EIF4G3: variants seen among roughly 807,000 people sequenced by gnomAD.
EIF4G3 encodes eIF-4-gamma 3.
In EIF4G3, 34 loss-of-function variants were observed where a neutral mutation model predicts 186.4. The ratio of observed to expected loss-of-function variants is 0.18; its 90% confidence interval spans 0.14 to 0.24. EIF4G3 has a LOEUF of 0.24. Ranked by LOEUF, EIF4G3 falls within the 10% of genes least tolerant of loss-of-function variation. The pLI, the probability that EIF4G3 is intolerant of heterozygous loss-of-function variation, is 1.00. For missense variants in EIF4G3, 1,536 were observed against 1,948.5 expected (o/e 0.79, Z 3.99); for synonymous variants, 673 against 679.5 (o/e 0.99, Z 0.15).
intron 2 of EIF4G3, among the ~76,000 whole-genome samples, chr1:21,156,530 C>T (rs1044395291): frequency 1.3e-5 from 2 of 152,094 alleles, no homozygotes; most frequent in Non-Finnish European, 2.9e-5. Flanking sequence ...CCAACATGTC[C>T]TAAACTGAAT....
At chr1:20,879,173 G>T in intron 20 of EIF4G3, 150 bp downstream of exon 20, 2 of 564,854 alleles carry the variant, frequency 3.5e-6, no homozygotes, top group Non-Finnish European at 5.5e-6. Context: ...AAGCAAGATT[G>T]TCTTTAATAA....
In EIF4G3 at chr1:20,851,363, C is replaced by G. The variant is rs375971685; in HGVS notation, c.3667G>C (p.Glu1223Gln). 2 of 1,614,052 alleles carry G rather than the reference C, an allele frequency of 1.2e-6. No individual in the cohort carries two copies. Among genetic ancestry groups the G allele is most frequent in the African/African-American group, 2.7e-5 (2 of 74,916 alleles). ...SKDLLDNQSQ[E>Q]EQRREMLETV... Reference sequence around the variant, plus strand: ...TCCAGCATCTCTCTCCGCTGCTCTTCTTGAGACTGATTGTCTAGCAGGTCT... The same window carrying G: ...TCCAGCATCTCTCTCCGCTGCTCTTGTTGAGACTGATTGTCTAGCAGGTCT... The change falls in exon 28 of 37, where the codon GAA becomes CAA. Residue 1223 changes from glutamate (E) to glutamine (Q), a missense_variant. Physicochemically the swap from Glu to Gln is conservative, Grantham distance 29. Coordinates refer to ENST00000602326, the MANE Select transcript of EIF4G3 (RefSeq NM_001391906.1).
intron 25 of EIF4G3, among the ~76,000 whole-genome samples, chr1:20,855,625 T>C (rs2074652980): frequency 6.6e-6 from 1 of 152,190 alleles, no homozygotes; most frequent in Non-Finnish European, 1.5e-5. Context: ...ACAACTTTAC[T>C]ACAAGTGAAA....
chr1:21,050,597 A>G (rs983456347), intron 4 of EIF4G3, among the ~76,000 whole-genome samples: 1 of 152,212 alleles, frequency 6.6e-6, no homozygotes, highest in African/African-American at 2.4e-5. Flanking sequence ...TTTTCCAGTA[A>G]ACTTTAGAAT....
At chr1:21,003,854 T>C (rs1411065106) in intron 4 of EIF4G3, 5 of 331,450 alleles carry the variant, frequency 1.5e-5, no homozygotes, top group Non-Finnish European at 2.9e-5. Context: ...AAGCATGACC[T>C]AGTAAGACTC....
intron 14 of EIF4G3, among the ~76,000 whole-genome samples, chr1:20,924,430 A>G (rs1277754423): frequency 1.3e-5 from 2 of 152,240 alleles, no homozygotes; most frequent in East Asian, 1.9e-4. Flanking sequence ...AGAATAACTG[A>G]TATTAATAAG....
chr1:20,945,982 A>G (rs776410743), intron 13 of EIF4G3, among the ~76,000 whole-genome samples: 1 of 152,232 alleles, frequency 6.6e-6, no homozygotes, highest in Non-Finnish European at 1.5e-5. Context: ...TGCCAAATTT[A>G]TAAGAAGAAT....
At chr1:21,086,117 C>G (rs2095965303) in intron 3 of EIF4G3, among the ~76,000 whole-genome samples, 1 of 150,884 alleles carries the variant, frequency 6.6e-6, no homozygotes, top group African/African-American at 2.4e-5. Flanking sequence ...AATGGGGCTG[C>G]AGAAATAATT....
chr1:20,949,826 T>A (rs2096127231), intron 13 of EIF4G3, among the ~76,000 whole-genome samples, 177 bp downstream of exon 13: 1 of 152,174 alleles, frequency 6.6e-6, no homozygotes, highest in South Asian at 2.1e-4. Context: ...TTACCAATCA[T>A]CCCTACTTTA....
chr1:21,172,208 C>T (rs935496660), intron 2 of EIF4G3, among the ~76,000 whole-genome samples: 3 of 151,236 alleles, frequency 2.0e-5, no homozygotes, highest in Admixed American at 6.6e-5. Context: ...AAAAGCAGGC[C>T]GGCAGAAGAG....
intron 4 of EIF4G3, among the ~76,000 whole-genome samples, chr1:21,033,248 C>T (rs1232116207): frequency 6.6e-6 from 1 of 151,922 alleles, no homozygotes; most frequent in Non-Finnish European, 1.5e-5. Flanking sequence ...ATAATAAATA[C>T]GGTAAGAGTC....
chr1:20,953,681 T>C (rs948942229), intron 12 of EIF4G3, among the ~76,000 whole-genome samples: 3 of 152,158 alleles, frequency 2.0e-5, no homozygotes, highest in Non-Finnish European at 2.9e-5. Flanking sequence ...TTTAATCACA[T>C]AAATGACAGA....
At chr1:20,943,146 G>A (rs1252588330) in intron 13 of EIF4G3, among the ~76,000 whole-genome samples, 1 of 151,980 alleles carries the variant, frequency 6.6e-6, no homozygotes. Flanking sequence ...CTGGGCAACT[G>A]AACAAGATCC....
intron 19 of EIF4G3, 47 bp from the exon 20 acceptor site, chr1:20,879,567 A>G: frequency 8.6e-7 from 1 of 1,169,240 alleles, no homozygotes; most frequent in Non-Finnish European, 1.1e-6. Flanking sequence ...AACTGTGACA[A>G]TATGGTGCTT....
At chr1:21,002,689 T>C (rs747702959) in intron 5 of EIF4G3, 24 bp downstream of exon 5, 63 of 1,610,914 alleles carry the variant, frequency 3.9e-5, no homozygotes, top group Admixed American at 1.7e-4. Flanking sequence ...GAATGTAATT[T>C]GGTTCAAGCT....
chr1:20,853,751 C>T, intron 26 of EIF4G3, 74 bp from the exon 27 acceptor site: 1 of 1,128,664 alleles, frequency 8.9e-7, no homozygotes, highest in Non-Finnish European at 1.3e-6. Flanking sequence ...ATCTGCATCC[C>T]TAGGTGAGGC....
intron 4 of EIF4G3, among the ~76,000 whole-genome samples, chr1:21,003,038 C>T (rs1487356994): frequency 1.3e-5 from 2 of 150,566 alleles, no homozygotes; most frequent in African/African-American, 4.9e-5. Context: ...CTCTGTCACC[C>T]GGGCTAGAGT....
intron 14 of EIF4G3, among the ~76,000 whole-genome samples, chr1:20,939,610 T>C (rs1487240989): frequency 6.6e-6 from 1 of 152,222 alleles, no homozygotes; most frequent in Non-Finnish European, 1.5e-5. Flanking sequence ...TTTACACTTA[T>C]TTCAATTCTG....
rs763130083 is a variant in EIF4G3 at position 20,825,170 on chromosome 1, C to T, written c.4298G>A (p.Arg1433Lys). Residue 1433 changes from arginine to lysine, a missense_variant, in exon 33 of 37, where the codon AGG (arginine) becomes AAG (lysine). Arg to Lys is a conservative substitution (Grantham distance 26, BLOSUM62 2). Coordinates refer to ENST00000602326, the MANE Select transcript of EIF4G3 (RefSeq NM_001391906.1). Reference sequence around the variant, plus strand: ...GTCCTTCCAGCTGAGGTCAGCCTCCCTCCATAAGGCTCCCACTTTCTTATG... The same window carrying T: ...GTCCTTCCAGCTGAGGTCAGCCTCCTTCCATAAGGCTCCCACTTTCTTATG... Reference protein sequence around the residue: ...MSHKKVGALWREADLSWKDFL... With the variant: ...MSHKKVGALWKEADLSWKDFL... 2.5e-6 allele frequency: 4 copies of T among 1,611,628 alleles called. No homozygotes were observed. Among genetic ancestry groups the T allele is most frequent in the Admixed American group, 3.3e-5 (2 of 59,794 alleles).
Sources: allele counts gnomAD v4.1 joint callset (sites outside exome capture counted in the v4.1 genomes callset), GRCh38; gene constraint gnomAD v4.1.1; transcripts MANE v1.5; gene names NCBI Gene and HGNC (gene_info 2026-07-23, HGNC 2026-07-21).